The following TUBGCP5 variants were observed in gnomAD, a reference collection of about 807,000 sequenced individuals.
TUBGCP5 encodes tubulin gamma complex component 5.
In TUBGCP5, 98 loss-of-function variants were observed where a neutral mutation model predicts 134.7. The ratio of observed to expected loss-of-function variants is 0.73; its 90% confidence interval spans 0.62 to 0.86. The LOEUF (loss-of-function observed/expected upper bound fraction) is 0.86, where lower values mean the gene tolerates loss of function less well. Ranked by LOEUF, TUBGCP5 falls within the 40% of genes least tolerant of loss-of-function variation. The probability of loss-of-function intolerance (pLI) is 0.00; values close to 1 mark genes in which losing one functional copy is unlikely to be tolerated. For missense variants in TUBGCP5, 1,150 were observed against 1,244.8 expected (o/e 0.92, Z 1.15); for synonymous variants, 456 against 431.4 (o/e 1.06, Z -0.71).
At chr15:22,989,189 A>T (rs2063775810) in intron 23 of TUBGCP5, among the ~76,000 whole-genome samples, 1 of 152,182 alleles carries the variant, frequency 6.6e-6, no homozygotes, top group Non-Finnish European at 1.5e-5. Context: ...TCCTCTTGCC[A>T]TGTAAACTAA....
chr15:23,019,373 C>T (rs1307476584), intron 11 of TUBGCP5, 39 bp from the exon 12 acceptor site: 3 of 1,378,460 alleles, frequency 2.2e-6, no homozygotes, highest in Admixed American at 1.8e-5. Context: ...CTCAGGGTTC[C>T]CTGGTCACTA....
intron 20 of TUBGCP5, among the ~76,000 whole-genome samples, chr15:23,003,560 G>A (rs562836441): frequency 6.6e-6 from 1 of 150,772 alleles, no homozygotes; most frequent in South Asian, 2.1e-4. Context: ...CGCAGAGTGA[G>A]TGTTGACTAT....
intron 6 of TUBGCP5, among the ~76,000 whole-genome samples, chr15:23,029,638 C>G (rs374785786): frequency 6.6e-6 from 1 of 151,510 alleles, no homozygotes; most frequent in African/African-American, 2.4e-5. Flanking sequence ...AATCCCCGCA[C>G]GTTGGGAGGC....
chr15:22,984,813 C>T (rs34456892), intron 23 of TUBGCP5, among the ~76,000 whole-genome samples: 23,885 of 151,730 alleles, frequency 0.16, 2,097 homozygotes, highest in Non-Finnish European at 0.2. Context: ...AATTTTATAA[C>T]GGTAGAGTAG....
intron 3 of TUBGCP5, among the ~76,000 whole-genome samples, chr15:23,036,201 C>G (rs1051067788): frequency 1.3e-5 from 2 of 152,150 alleles, no homozygotes; most frequent in African/African-American, 4.8e-5. Flanking sequence ...GCTCTGCTTG[C>G]TTATGTGACC....
chr15:22,991,167 A>G (rs145080641), intron 23 of TUBGCP5, among the ~76,000 whole-genome samples: 4,597 of 151,528 alleles, frequency 0.03, 171 homozygotes, highest in African/African-American at 0.088. Flanking sequence ...GCGCGATGTC[A>G]GCTCACTGCA....
At chr15:23,032,683 A>G (rs775951785) in intron 4 of TUBGCP5, 45 bp downstream of exon 4, 5 of 1,358,218 alleles carry the variant, frequency 3.7e-6, no homozygotes, top group Non-Finnish European at 5.0e-6. Flanking sequence ...GTAATCAAAC[A>G]ATTTCTCTTT....
In TUBGCP5 at chr15:23,021,109, G is replaced by A. The variant is rs138538527; in HGVS notation, c.1371+850C>T. 6.3e-3 allele frequency among the ~76,000 whole-genome samples: 953 copies of A among 152,096 alleles called. 11 individuals carry two copies. Among genetic ancestry groups the A allele is most frequent in the African/African-American group, 0.021 (876 of 41,476 alleles). ...TCACCATGTTGGCCAGGCTGGTCTC[G>A]AATTCCTGGTGTCAGCACACCTGGC... On this transcript the variant is annotated intron_variant, in intron 11 of 22. Transcript: ENST00000615383.
chr15:23,009,945 C>T lies in TUBGCP5; in HGVS notation c.2144G>A (p.Arg715Lys), dbSNP rs1567117304. 1 of 1,610,598 alleles carries T rather than the reference C, an allele frequency of 6.2e-7. No homozygotes were observed. The change falls in exon 15 of 23, where the codon AGG becomes AAG. Residue 715 changes from arginine to lysine, a missense_variant and splice_region_variant. Coordinates refer to ENST00000615383, the MANE Select transcript of TUBGCP5 (RefSeq NM_052903.6). Reference sequence around the variant, plus strand: ...TTCCAAAATTAAATTACTCTTTTACCTGTAATCTTTTTTTAGAGTTTGCAT... The same window carrying T: ...TTCCAAAATTAAATTACTCTTTTACTTGTAATCTTTTTTTAGAGTTTGCAT... ...NLMQTLKKDY[R>K]LVEYLQAMRN...
chr15:22,985,947 C>A (rs1490277429), intron 23 of TUBGCP5, among the ~76,000 whole-genome samples: 1 of 151,766 alleles, frequency 6.6e-6, no homozygotes, highest in East Asian at 2.0e-4. Flanking sequence ...TCCTGGCTAA[C>A]ACGGTGAAAC....
chr15:23,016,005 G>T (rs191448689), intron 13 of TUBGCP5, among the ~76,000 whole-genome samples: 55 of 152,206 alleles, frequency 3.6e-4, no homozygotes, highest in Non-Finnish European at 2.9e-4. Flanking sequence ...TCTAGCAAGA[G>T]ACTACAATGA....
rs1192840145 is a variant in TUBGCP5 at position 23,017,846 on chromosome 15, C to T, written c.1683G>A (p.Met561Ile). Residue 561 changes from methionine to isoleucine, a missense_variant, in exon 13 of 23, where the codon ATG (methionine) becomes ATA (isoleucine). Met to Ile is a conservative substitution (Grantham distance 10). Coordinates refer to ENST00000615383, the MANE Select transcript of TUBGCP5 (RefSeq NM_052903.6). ...FLKPVLKQII[M>I]AGKSMQLLKN... Reference sequence around the variant, plus strand: ...TCAGCAGCTGCATCGACTTGCCAGCCATTATGATCTGCTTCAGGACAGGTT... The same window carrying T: ...TCAGCAGCTGCATCGACTTGCCAGCTATTATGATCTGCTTCAGGACAGGTT... The T allele has an allele frequency of 1.9e-6, 3 of 1,614,066 alleles. No homozygotes were observed. Among genetic ancestry groups the T allele is most frequent in the Non-Finnish European group, 8.5e-7 (1 of 1,179,956 alleles).
chr15:23,039,327 C>T lies in TUBGCP5; in HGVS notation c.146+71G>A, dbSNP rs1293476720. The T allele has an allele frequency of 8.8e-6, 11 of 1,246,830 alleles. No individual in the cohort carries two copies. In the Admixed American group the frequency reaches 2.1e-4, roughly 24 times the overall value. 77.2% of individuals were successfully genotyped at this position (1,246,830 alleles called of 1,614,324 possible). On this transcript the variant is annotated intron_variant, in intron 1 of 22. Coordinates refer to ENST00000615383, the MANE Select transcript of TUBGCP5 (RefSeq NM_052903.6). ...GCCCTGCCCCAGCGCGCCCCGACCC[C>T]GGGCTGTGCGGGACCCACGCGCGGG...
At chr15:22,998,141 CCT>C (rs1026006838), downstream of TUBGCP5, among the ~76,000 whole-genome samples, 3 of 151,784 alleles carry the variant, frequency 2.0e-5, no homozygotes, top group African/African-American at 4.8e-5. Context: ...AAGGTGAAAC[CCT>C]GTCTCTACTA....
At chr15:23,012,532 G>C (rs1054108587) in intron 13 of TUBGCP5, among the ~76,000 whole-genome samples, 1 of 151,988 alleles carries the variant, frequency 6.6e-6, no homozygotes, top group African/African-American at 2.4e-5. Flanking sequence ...TCAGCCTCCT[G>C]AGTAGTGGGG....
intron 23 of TUBGCP5, among the ~76,000 whole-genome samples, chr15:22,983,916 G>A (rs2140326928): frequency 6.6e-6 from 1 of 151,942 alleles, no homozygotes; most frequent in African/African-American, 2.4e-5. Context: ...GAGCTCAGGG[G>A]TTCGAGACCA....
rs532925521 is a variant in TUBGCP5, at chr15:23,022,649, C to T, written c.1169-488G>A. Among the ~76,000 whole-genome samples, 28 of 152,264 alleles carry T rather than the reference C, an allele frequency of 1.8e-4. No homozygotes were observed. In the South Asian group the frequency reaches 5.6e-3, roughly 30 times the overall value. On this transcript the variant is annotated intron_variant, in intron 10 of 22. Transcript: ENST00000615383. ...ATGTGATAAACTATACATGAATATA[C>T]CACACCCACCCCTGTTCAAAGCAAG...
At chr15:23,018,131 C>T in intron 12 of TUBGCP5, 90 bp from the exon 13 acceptor site, 4 of 1,323,156 alleles carry the variant, frequency 3.0e-6, no homozygotes, top group Non-Finnish European at 4.1e-6. Flanking sequence ...CATTATAAAA[C>T]ATAGTATTAA....
At chr15:23,005,943 C>CTTCTTTTTTTTTTT in intron 18 of TUBGCP5, 109 bp downstream of exon 18, 1 of 803,394 alleles carries the variant, frequency 1.2e-6, no homozygotes, top group Non-Finnish European at 1.6e-6. Context: ...CAACCACCAA[C>CTTCTTTTTTTTTTT]TTTTTTTTTT....
Sources: allele counts gnomAD v4.1 joint callset (sites outside exome capture counted in the v4.1 genomes callset), GRCh38; gene constraint gnomAD v4.1.1; transcripts MANE v1.5; gene names NCBI Gene and HGNC (gene_info 2026-07-23, HGNC 2026-07-21).